MAP3K7CL: variants seen among roughly 807,000 people sequenced by gnomAD.
MAP3K7CL encodes the protein MAP3K7 C-terminal like, also known as MAP3K7 C-terminal-like protein.
In MAP3K7CL, 16 loss-of-function variants were observed where a neutral mutation model predicts 18.6. The observed-to-expected ratio is 0.86, with a 90% CI of 0.58 to 1.31. The LOEUF (loss-of-function observed/expected upper bound fraction) is 1.31, where lower values mean the gene tolerates loss of function less well. Among genes scored for constraint, MAP3K7CL ranks in the 50% most tolerant of loss-of-function variants. The probability of loss-of-function intolerance (pLI) is 0.00; values close to 1 mark genes in which losing one functional copy is unlikely to be tolerated. For missense variants in MAP3K7CL, 163 were observed against 174.4 expected, an observed-to-expected ratio of 0.93 and a Z score of 0.37; for synonymous variants, 65 against 66.8, an observed-to-expected ratio of 0.97 and a Z score of 0.13.
intron 4 of MAP3K7CL, among the ~76,000 whole-genome samples, chr21:29,172,110 A>G (rs993205702): frequency 6.6e-6 from 1 of 152,042 alleles, no homozygotes; most frequent in African/African-American, 2.4e-5. Context: ...TAAAATCAAG[A>G]AATTTAGCAT....
chr21:29,079,233 G>C (rs892284194), intron 1 of MAP3K7CL, among the ~76,000 whole-genome samples: 6 of 152,208 alleles, frequency 3.9e-5, no homozygotes, highest in Admixed American at 1.3e-4. Flanking sequence ...GCTCTTTGCA[G>C]GTCTCCATCT....
intron 4 of MAP3K7CL, among the ~76,000 whole-genome samples, chr21:29,121,805 T>G (rs1666784258): frequency 6.6e-6 from 1 of 151,722 alleles, no homozygotes; most frequent in Admixed American, 6.6e-5. Flanking sequence ...AGGCTTGTAT[T>G]CATGGATAAA....
chr21:29,174,990 T>C lies in MAP3K7CL; in HGVS notation c.*98T>C. On this transcript the variant is annotated 3_prime_UTR_variant, in exon 5 of 5. Coordinates refer to ENST00000399928, the MANE Select transcript of MAP3K7CL (RefSeq NM_001286620.2). ...TGAATAGTGAGTCAGATCTATTGCT[T>C]CTCTGTATTACCCACATGACAACTG... is the stretch of plus-strand genomic sequence containing the variant. The C allele has an allele frequency of 8.3e-7, 1 of 1,201,028 alleles. No homozygotes were observed. Among genetic ancestry groups the C allele is most frequent in the Non-Finnish European group, 1.2e-6 (1 of 864,410 alleles). The allele number at this position is 1,201,028 out of a possible 1,614,324, so 74.4% of individuals were successfully genotyped here.
At chr21:29,101,118 T>TA (rs1390916390) in intron 4 of MAP3K7CL, among the ~76,000 whole-genome samples, 9 of 152,032 alleles carry the variant, frequency 5.9e-5, no homozygotes, top group East Asian at 3.9e-4. Flanking sequence ...TTTTTTATCT[T>TA]ACGATTTCTG....
chr21:29,109,184 G>A (rs2086376927), intron 4 of MAP3K7CL: 1 of 1,535,392 alleles, frequency 6.5e-7, no homozygotes, highest in Non-Finnish European at 8.7e-7. Flanking sequence ...CGGACTGCAG[G>A]TATGGACATA....
rs190467600 is a variant in MAP3K7CL, at chr21:29,094,824, A to T, written c.370+2243A>T. Among the ~76,000 whole-genome samples the T allele has an allele frequency of 2.2e-3, 339 of 152,244 alleles. 1 individual carries two copies. The highest frequency in any genetic ancestry group is 7.8e-3 in the African/African-American group (322 of 41,538). ...GTAATCCCAGCACTTTGAGAGGCCG[A>T]GGCAGGAGCATTGCTTGAGCCCAGG... is the stretch of plus-strand genomic sequence containing the variant. On this transcript the variant is annotated intron_variant, in intron 4 of 6. Transcript: ENST00000286791.
intron 3 of MAP3K7CL, chr21:29,092,365 G>T: frequency 1.3e-6 from 2 of 1,558,228 alleles, no homozygotes; most frequent in Non-Finnish European, 8.8e-7. Context: ...GGGAAAAAAA[G>T]AACTGACATC....
chr21:29,116,292 C>T (rs897878580), intron 4 of MAP3K7CL, among the ~76,000 whole-genome samples: 1 of 152,184 alleles, frequency 6.6e-6, no homozygotes, highest in African/African-American at 2.4e-5. Flanking sequence ...TAAATGACAT[C>T]TGGGATCTTG....
chr21:29,116,423 C>A (rs777654982), intron 4 of MAP3K7CL, among the ~76,000 whole-genome samples: 1 of 152,158 alleles, frequency 6.6e-6, no homozygotes, highest in Non-Finnish European at 1.5e-5. Context: ...CTGAAAGAAG[C>A]CTTCTAGCTC....
At chr21:29,171,860 A>G (rs972158640) in intron 4 of MAP3K7CL, among the ~76,000 whole-genome samples, 1 of 150,648 alleles carries the variant, frequency 6.6e-6, no homozygotes, top group Non-Finnish European at 1.5e-5. Flanking sequence ...TACTGGATTC[A>G]CCAGTTACTA....
chr21:29,163,771 C>T (rs966964835), intron 4 of MAP3K7CL, among the ~76,000 whole-genome samples: 2 of 150,080 alleles, frequency 1.3e-5, no homozygotes, highest in African/African-American at 4.9e-5. Context: ...TCATAGCTCA[C>T]TGCAGCCTCA....
At chr21:29,099,248 A>T (rs1913101031) in intron 4 of MAP3K7CL, among the ~76,000 whole-genome samples, 2 of 143,950 alleles carry the variant, frequency 1.4e-5, no homozygotes, top group Non-Finnish European at 3.0e-5. Flanking sequence ...ACACCACTGT[A>T]CCCAGCTAAT....
At chr21:29,115,940 C>T (rs2086497411) in intron 4 of MAP3K7CL, among the ~76,000 whole-genome samples, 1 of 152,212 alleles carries the variant, frequency 6.6e-6, no homozygotes, top group Non-Finnish European at 1.5e-5. Context: ...ATCTGGGAAC[C>T]AGAGAAATTG....
intron 2 of MAP3K7CL, among the ~76,000 whole-genome samples, chr21:29,135,010 C>T (rs576580962): frequency 1.3e-5 from 2 of 151,022 alleles, no homozygotes; most frequent in South Asian, 2.1e-4. Context: ...GAGATCGTGC[C>T]ACTGCACTCC....
chr21:29,172,655 T>C (rs1002957187), intron 4 of MAP3K7CL, among the ~76,000 whole-genome samples: 5 of 152,146 alleles, frequency 3.3e-5, no homozygotes, highest in Non-Finnish European at 7.4e-5. Context: ...TATTGGCAGG[T>C]ATATAATTTA....
chr21:29,086,073 G>A (rs1213759847), intron 1 of MAP3K7CL, among the ~76,000 whole-genome samples: 2 of 152,176 alleles, frequency 1.3e-5, no homozygotes, highest in Non-Finnish European at 2.9e-5. Flanking sequence ...GTGGGAGGTC[G>A]GCAGACTATT....
At chr21:29,165,933 T>C (rs1471908376) in intron 4 of MAP3K7CL, among the ~76,000 whole-genome samples, 1 of 152,250 alleles carries the variant, frequency 6.6e-6, no homozygotes, top group East Asian at 1.9e-4. Flanking sequence ...TTTTCATACA[T>C]GGACACATTG....
At chr21:29,119,664 T>TTC (rs2086560769) in intron 4 of MAP3K7CL, among the ~76,000 whole-genome samples, 1 of 142,024 alleles carries the variant, frequency 7.0e-6, no homozygotes, top group East Asian at 2.0e-4. Context: ...TCCTAAAACT[T>TTC]TTTTTTTTTT....
chr21:29,171,227 A>G (rs1354387119), intron 4 of MAP3K7CL, among the ~76,000 whole-genome samples: 1 of 152,158 alleles, frequency 6.6e-6, no homozygotes, highest in African/African-American at 2.4e-5. Flanking sequence ...TTATTTATTC[A>G]GTAAGTATTT....
Sources: gnomAD v4.1 joint callset for allele counts (sites outside exome capture counted in the v4.1 genomes callset) on GRCh38, gnomAD v4.1.1 for gene constraint, MANE v1.5 for transcripts, NCBI Gene and HGNC (gene_info 2026-07-23, HGNC 2026-07-21) for gene names.